Variants in EPHB1 observed in about 807,000 individuals in gnomAD.
EPHB1 encodes ephrin type-B receptor 1.
In EPHB1, 30 loss-of-function variants were observed where a neutral mutation model predicts 94.4. The ratio of observed to expected loss-of-function variants is 0.32; its 90% CI spans 0.24 to 0.43. The LOEUF (loss-of-function observed/expected upper bound fraction) is 0.43, where lower values mean the gene tolerates loss of function less well. Ranked by LOEUF, EPHB1 falls within the 20% of genes least tolerant of loss-of-function variation. The pLI is 1.00. For synonymous variants in EPHB1, 522 were observed against 489.1 expected (o/e 1.07, Z -0.89); for missense variants, 1,055 against 1,308.3 (o/e 0.81, Z 2.99).
chr3:135,028,227 A>T lies in EPHB1; in HGVS notation c.805+76175A>T, dbSNP rs1324918312. ...GGTTTTTTGTGTCTCTATTTCCTTC[A>T]GTTCTGCTCTGATTTTAGTTATTTC... On this transcript the variant is annotated intron_variant, in intron 3 of 15. Coordinates refer to ENST00000398015, the MANE Select transcript of EPHB1 (RefSeq NM_004441.5). Among the ~76,000 whole-genome samples, 742 of 146,054 alleles carry T rather than the reference A, an allele frequency of 5.1e-3. 15 individuals are homozygous for T. Among genetic ancestry groups the T allele is most frequent in the African/African-American group, 0.018 (698 of 37,972 alleles).
chr3:135,027,783 A>C (rs1936247090), intron 3 of EPHB1, among the ~76,000 whole-genome samples: 1 of 130,706 alleles, frequency 7.7e-6, no homozygotes, highest in African/African-American at 2.5e-5. Flanking sequence ...TGATTGGAAT[A>C]GTTTCAGAAG....
chr3:134,960,397 G>A (rs1275793845), intron 3 of EPHB1, among the ~76,000 whole-genome samples: 1 of 152,180 alleles, frequency 6.6e-6, no homozygotes, highest in Non-Finnish European at 1.5e-5. Context: ...GCTAAACAAA[G>A]AGCTTGAGTG....
At chr3:135,098,685 A>G (rs2107795339) in intron 3 of EPHB1, among the ~76,000 whole-genome samples, 1 of 152,154 alleles carries the variant, frequency 6.6e-6, no homozygotes, top group East Asian at 1.9e-4. Context: ...AGCTCTTAAT[A>G]CACATCAAAT....
chr3:135,076,591 G>T (rs550326204), intron 3 of EPHB1, among the ~76,000 whole-genome samples: 2 of 152,214 alleles, frequency 1.3e-5, no homozygotes, highest in South Asian at 4.1e-4. Context: ...CCACTCCTCA[G>T]ATTTTTACTC....
chr3:135,225,806 C>T (rs1373201588), intron 12 of EPHB1, among the ~76,000 whole-genome samples: 1 of 151,738 alleles, frequency 6.6e-6, no homozygotes, highest in Non-Finnish European at 1.5e-5. Flanking sequence ...CCCAGCTGCC[C>T]TTGGGACAGC....
chr3:135,248,910 A>AT (rs1368937020), intron 14 of EPHB1, among the ~76,000 whole-genome samples: 31 of 147,814 alleles, frequency 2.1e-4, no homozygotes, highest in African/African-American at 5.0e-4. Flanking sequence ...TCACTGCTCC[A>AT]TTTTTTTTTT....
intron 5 of EPHB1, among the ~76,000 whole-genome samples, chr3:135,152,467 G>A (rs1426104584): frequency 6.6e-6 from 1 of 152,178 alleles, no homozygotes; most frequent in Non-Finnish European, 1.5e-5. Context: ...GACCCTCCAT[G>A]AAGCAGACAC....
rs1255070263 is a variant in EPHB1 at position 135,052,997 on chromosome 3, ATGTGTGTGTATATATATG to A, written c.806-53441_806-53424del. 1.6e-3 allele frequency among the ~76,000 whole-genome samples: 163 copies of A among 100,118 alleles called. 6 individuals are homozygous for A. The highest frequency in any genetic ancestry group is 0.015 in the Admixed American group (117 of 7,920). The allele number at this position is 100,118 out of a possible 152,430, so 65.7% of individuals were successfully genotyped here. Reference sequence around the variant, plus strand: ...TGTATATATATGTGTGTGTATATATATGTGTGTGTATATATATGTGTGTGTGTGTGTATATATATATAT... The same window carrying A: ...TGTATATATATGTGTGTGTATATATATGTGTGTGTGTGTATATATATATAT... On this transcript the variant is annotated intron_variant, in intron 3 of 15. Coordinates refer to ENST00000398015, the MANE Select transcript of EPHB1 (RefSeq NM_004441.5).
intron 3 of EPHB1, among the ~76,000 whole-genome samples, chr3:135,077,729 C>T (rs1461307312): frequency 1.3e-5 from 2 of 152,156 alleles, no homozygotes; most frequent in South Asian, 2.1e-4. Flanking sequence ...CTAGAGCCGA[C>T]CCATGAAGGC....
chr3:134,978,882 A>G (rs1373866696), intron 3 of EPHB1, among the ~76,000 whole-genome samples: 1 of 152,224 alleles, frequency 6.6e-6, no homozygotes, highest in African/African-American at 2.4e-5. Context: ...GGACCTACCC[A>G]GTAACCTGAG....
intron 2 of EPHB1, among the ~76,000 whole-genome samples, chr3:134,950,517 G>A (rs1023188026): frequency 3.3e-5 from 5 of 152,188 alleles, no homozygotes. Flanking sequence ...TGAACATGAA[G>A]CATAGTGCCA....
chr3:135,207,998 G>GTCAA (rs1236203699), intron 12 of EPHB1, among the ~76,000 whole-genome samples: 25 of 152,252 alleles, frequency 1.6e-4, no homozygotes, highest in African/African-American at 6.0e-4. Flanking sequence ...CCCAATTGGG[G>GTCAA]ATTATTAGGA....
At chr3:134,925,283 C>A in intron 1 of EPHB1, among the ~76,000 whole-genome samples, 1 of 152,114 alleles carries the variant, frequency 6.6e-6, no homozygotes, top group African/African-American at 2.4e-5. Flanking sequence ...GGAAGTTACC[C>A]AAGGGTGTCA....
chr3:134,824,921 C>A (rs532227128), intron 1 of EPHB1, among the ~76,000 whole-genome samples: 6 of 152,210 alleles, frequency 3.9e-5, no homozygotes, highest in Non-Finnish European at 8.8e-5. Flanking sequence ...TGGATGACTG[C>A]AGCTCCTGCC....
intron 2 of EPHB1, among the ~76,000 whole-genome samples, chr3:134,947,692 A>G (rs960553597): frequency 2.0e-5 from 3 of 152,358 alleles, no homozygotes; most frequent in East Asian, 1.9e-4. Context: ...GTTTGAAACA[A>G]TTACTTCTGC....
intron 3 of EPHB1, among the ~76,000 whole-genome samples, chr3:135,043,845 G>A (rs752273653): frequency 2.0e-4 from 30 of 152,216 alleles, no homozygotes; most frequent in Non-Finnish European, 3.5e-4. Context: ...ATTCCCTGAA[G>A]CCTGGAGGTA....
chr3:134,991,346 T>C (rs1215467642), intron 3 of EPHB1, among the ~76,000 whole-genome samples: 1 of 152,198 alleles, frequency 6.6e-6, no homozygotes, highest in Non-Finnish European at 1.5e-5. Context: ...GCACTATCAC[T>C]GTCTTCTCTC....
In EPHB1 at chr3:135,005,614, C is replaced by T. The variant is rs530786741; in HGVS notation, c.805+53562C>T. On this transcript the variant is annotated intron_variant, in intron 3 of 15. Transcript: ENST00000398015. ...GCTGTGCTAGCAATCAGCGAGACTC[C>T]GTGGGTGTAGGACCCTCCGAGCCAG... Among the ~76,000 whole-genome samples, 868 of 152,336 alleles carry T rather than the reference C, an allele frequency of 5.7e-3. 8 individuals carry two copies. The highest frequency in any genetic ancestry group is 0.019 in the African/African-American group (791 of 41,580).
intron 12 of EPHB1, among the ~76,000 whole-genome samples, chr3:135,209,662 T>A (rs1942986700): frequency 6.6e-6 from 1 of 152,196 alleles, no homozygotes; most frequent in Non-Finnish European, 1.5e-5. Flanking sequence ...CATGTGATCC[T>A]TAACAGGACA....
Sources: allele counts gnomAD v4.1 joint callset (sites outside exome capture counted in the v4.1 genomes callset), GRCh38; gene constraint gnomAD v4.1.1; transcripts MANE v1.5; gene names NCBI Gene and HGNC (gene_info 2026-07-23, HGNC 2026-07-21).